Variants in OR1M1 observed in about 807,000 individuals in gnomAD.
OR1M1 encodes the protein olfactory receptor family 1 subfamily M member 1.
For synonymous variants in OR1M1, 157 were observed against 165.5 expected (o/e 0.95, Z 0.39); for missense variants, 397 against 401.8 (o/e 0.99, Z 0.10).
Position 9,094,526 on chromosome 19 carries a change from C to CA in OR1M1, c.*341dup, listed in dbSNP as rs1275262344. On this transcript the variant is annotated 3_prime_UTR_variant, in exon 2 of 2. Transcript: ENST00000641627. ...AGGTGTGAGCTACCACGCCGAGCCT[C>CA]ACTTTGAATTTTTTGTTTGTTTTTG... The CA allele has an allele frequency of 4.2e-5, 8 of 190,404 alleles. No homozygotes were observed. The highest frequency in any genetic ancestry group is 4.3e-5 in the Non-Finnish European group (4 of 93,190). The allele number at this position is 190,404 out of a possible 1,614,324, so 11.8% of individuals were successfully genotyped here.
chr19:9,088,250 T>C (rs924029742), intron 1 of OR1M1, among the ~76,000 whole-genome samples: 22 of 152,178 alleles, frequency 1.4e-4, no homozygotes, highest in African/African-American at 5.3e-4. Flanking sequence ...TCCTCCTCAG[T>C]ACTTCTGTAG....
At position 9,093,959 on chromosome 19, in the gene OR1M1, T is replaced by G. The variant is rs747642104; in HGVS notation, c.715T>G (p.Ser239Ala). 13 of 1,614,124 alleles carry G rather than the reference T, an allele frequency of 8.1e-6. No homozygotes were observed. In the East Asian group the frequency reaches 2.7e-4, roughly 33 times the overall value. The change falls in exon 2 of 2, where the codon TCC (serine) becomes GCC (alanine). Residue 239 changes from serine (S) to alanine (A), a missense_variant. Physicochemically the swap from Ser to Ala is moderately conservative, Grantham distance 99. Transcript: ENST00000641627. Reference protein sequence around the residue: ...PSAGGRKKAFSTCSSHLSVVA... With the variant: ...PSAGGRKKAFATCSSHLSVVA... Reference sequence around the variant, plus strand: ...TGCAGGCGGCAGGAAGAAAGCCTTCTCCACCTGCAGCTCCCACCTGTCTGT... The same window carrying G: ...TGCAGGCGGCAGGAAGAAAGCCTTCGCCACCTGCAGCTCCCACCTGTCTGT...
chr19:9,089,300 A>C (rs992037505), intron 1 of OR1M1, among the ~76,000 whole-genome samples: 1 of 152,040 alleles, frequency 6.6e-6, no homozygotes, highest in Non-Finnish European at 1.5e-5. Context: ...TGCAGTGTTT[A>C]ACTTTCTGTT....
rs192033868 is a variant in OR1M1, at chr19:9,087,544, C to T, written c.-14+387C>T. On this transcript the variant is annotated intron_variant, in intron 1 of 1. Transcript: ENST00000641627. ...TTGGCTCACTGCAACCTCTGACTCC[C>T]AGGTTCGAGCAATTCTCCTACCTCA... Among the ~76,000 whole-genome samples, 10 of 152,236 alleles carry T rather than the reference C, an allele frequency of 6.6e-5. No homozygotes were observed. In the East Asian group the frequency reaches 1.9e-3, roughly 30 times the overall value.
At chr19:9,091,130 G>A (rs1368337409) in intron 1 of OR1M1, among the ~76,000 whole-genome samples, 2 of 151,892 alleles carry the variant, frequency 1.3e-5, no homozygotes, top group African/African-American at 4.8e-5. Context: ...TCGTGCCACC[G>A]CACTCCAGCC....
At chr19:9,091,028 G>C (rs553789555) in intron 1 of OR1M1, among the ~76,000 whole-genome samples, 29 of 151,908 alleles carry the variant, frequency 1.9e-4, no homozygotes, top group Non-Finnish European at 4.0e-4. Flanking sequence ...TTAGCCAGGC[G>C]TGGTGGTGGG....
intron 1 of OR1M1, 52 bp from the exon 2 acceptor site, chr19:9,093,180 T>C: frequency 1.7e-6 from 2 of 1,192,632 alleles, no homozygotes; most frequent in Non-Finnish European, 2.4e-6. Flanking sequence ...CATCTAACTT[T>C]CCAAAACCAT....
chr19:9,088,657 G>A (rs542939862), intron 1 of OR1M1, among the ~76,000 whole-genome samples: 3 of 152,100 alleles, frequency 2.0e-5, no homozygotes, highest in Non-Finnish European at 2.9e-5. Flanking sequence ...AGGCCGAGGC[G>A]GGCGGATCAC....
intron 1 of OR1M1, among the ~76,000 whole-genome samples, chr19:9,092,537 A>C (rs945696441): frequency 2.0e-5 from 3 of 152,132 alleles, no homozygotes; most frequent in African/African-American, 7.2e-5. Flanking sequence ...CAGGAGTTCA[A>C]GGTTGCAATG....
At chr19:9,088,952 A>C (rs571727689) in intron 1 of OR1M1, among the ~76,000 whole-genome samples, 1 of 152,318 alleles carries the variant, frequency 6.6e-6, no homozygotes, top group South Asian at 2.1e-4. Flanking sequence ...TATGAGGTAC[A>C]TAGTAATGTT....
Position 9,093,235 on chromosome 19 carries a change from A to T in OR1M1, c.-10A>T. Reference sequence around the variant, plus strand: ...CCTCCCCTTTCCATACTTCCAGAGGAATCACACCCATGGAACCAAGAAACC... The same window carrying T: ...CCTCCCCTTTCCATACTTCCAGAGGTATCACACCCATGGAACCAAGAAACC... On this transcript the variant is annotated 5_prime_UTR_variant, in exon 2 of 2. Transcript: ENST00000641627. 1 of 1,578,664 alleles carries T rather than the reference A, an allele frequency of 6.3e-7. No individual in the cohort carries two copies. The highest frequency in any genetic ancestry group is 8.6e-7 in the Non-Finnish European group (1 of 1,156,920).
chr19:9,088,310 T>A (rs1600197086), intron 1 of OR1M1, among the ~76,000 whole-genome samples: 1 of 152,274 alleles, frequency 6.6e-6, no homozygotes, highest in East Asian at 1.9e-4. Flanking sequence ...CCCTTGGAGA[T>A]TCCCAAGTAT....
chr19:9,093,845 A>T lies in OR1M1; in HGVS notation c.601A>T (p.Ile201Phe). ...DTSVNRIFIL[I>F]VAGMVIATPF... ...CTCTGTGAATAGGATCTTCATCCTCATTGTGGCAGGGATGGTGATAGCCAC... is the reference window on the plus strand; with the variant it reads ...CTCTGTGAATAGGATCTTCATCCTCTTTGTGGCAGGGATGGTGATAGCCAC... Residue 201 changes from isoleucine (I) to phenylalanine (F), a missense_variant, in exon 2 of 2, where the codon ATT (isoleucine) becomes TTT (phenylalanine). Physicochemically the swap from Ile to Phe is conservative, Grantham distance 21. Transcript: ENST00000641627. 1 of 1,614,038 alleles carries T rather than the reference A, an allele frequency of 6.2e-7. No individual in the cohort carries two copies. The highest frequency in any genetic ancestry group is 8.5e-7 in the Non-Finnish European group (1 of 1,179,998).
intron 1 of OR1M1, among the ~76,000 whole-genome samples, chr19:9,089,901 A>T (rs1004312772): frequency 4.6e-5 from 7 of 152,178 alleles, no homozygotes. Context: ...TCATGAATCC[A>T]TGCGTGCTTC....
At chr19:9,090,906 C>T (rs1176925669) in intron 1 of OR1M1, among the ~76,000 whole-genome samples, 2 of 151,786 alleles carry the variant, frequency 1.3e-5, no homozygotes, top group Non-Finnish European at 2.9e-5. Flanking sequence ...GTGGCTCATG[C>T]CTGTAATCCC....
intron 1 of OR1M1, among the ~76,000 whole-genome samples, chr19:9,091,594 G>A (rs547355865): frequency 1.3e-5 from 2 of 151,956 alleles, no homozygotes; most frequent in Admixed American, 6.6e-5. Context: ...GGGAAGCAGA[G>A]ATTACAGTGA....
chr19:9,088,504 T>C (rs1184533873), intron 1 of OR1M1, among the ~76,000 whole-genome samples: 1 of 152,114 alleles, frequency 6.6e-6, no homozygotes, highest in East Asian at 1.9e-4. Flanking sequence ...AGCTTAGGTG[T>C]CAGGGCAGGA....
At position 9,093,477 on chromosome 19, in the gene OR1M1, T is replaced by C. The variant is rs753610679; in HGVS notation, c.233T>C (p.Ile78Thr). Residue 78 changes from isoleucine (I) to threonine (T), a missense_variant, in exon 2 of 2, where the codon ATC becomes ACC. Physicochemically the swap from Ile to Thr is moderately conservative, Grantham distance 89 (BLOSUM62 -1). Transcript: ENST00000641627. ...GATTTCTGTCTGGCCACCAACACCATCCCTAAGATGCTGGTGAGCCTTCAA... is the reference window on the plus strand; with the variant it reads ...GATTTCTGTCTGGCCACCAACACCACCCCTAAGATGCTGGTGAGCCTTCAA... ...LVDFCLATNTIPKMLVSLQTG... is the reference protein window; with the variant it reads ...LVDFCLATNTTPKMLVSLQTG... 3.1e-6 allele frequency: 5 copies of C among 1,613,902 alleles called. No homozygotes were observed. The East Asian group carries it at 1.1e-4, about 36-fold the overall frequency.
chr19:9,092,033 C>G (rs1006747736), intron 1 of OR1M1, among the ~76,000 whole-genome samples: 1 of 146,828 alleles, frequency 6.8e-6, no homozygotes, highest in African/African-American at 2.5e-5. Context: ...CTCAGCCTCC[C>G]GAGTACTTGG....
Sources: gnomAD v4.1 joint callset for allele counts (sites outside exome capture counted in the v4.1 genomes callset) on GRCh38, gnomAD v4.1.1 for gene constraint, MANE v1.5 for transcripts, NCBI Gene and HGNC (gene_info 2026-07-23, HGNC 2026-07-21) for gene names.